The following ACOT11 variants were observed in gnomAD, a reference collection of about 807,000 sequenced individuals.
The protein encoded by ACOT11 is acyl-coenzyme A thioesterase 11.
ACOT11 carries 69 observed loss-of-function variants against 77.5 expected under a neutral mutation model. That is an observed-to-expected ratio of 0.89 (90% CI 0.73 to 1.09). The LOEUF (loss-of-function observed/expected upper bound fraction) is 1.09. ACOT11 is among the 50% of genes least tolerant of loss of function. The pLI is 0.00. For missense variants in ACOT11, 766 were observed against 813.7 expected (o/e 0.94, Z 0.71); for synonymous variants, 279 against 313.0 (o/e 0.89, Z 1.15).
rs532528250 is a variant in ACOT11, at chr1:54,628,915, G to A, written c.1630-1819G>A. Among the ~76,000 whole-genome samples the A allele has an allele frequency of 5.6e-4, 73 of 131,016 alleles. 17 individuals are homozygous for A. The South Asian group carries it at 7.9e-3, about 14-fold the overall frequency. The allele number at this position is 131,016 out of a possible 152,430, so 86.0% of individuals were successfully genotyped here. A position where few individuals can be genotyped will look rare whatever the true frequency, so the allele number is the denominator to read the frequency against. Reference sequence around the variant, plus strand: ...TCTCTACTAAAAATACAAAATTAGCGGGGTGTGGTGGCTCATGCCTGTGAT... The same window carrying A: ...TCTCTACTAAAAATACAAAATTAGCAGGGTGTGGTGGCTCATGCCTGTGAT... On this transcript the variant is annotated intron_variant, in intron 15 of 16. Transcript: ENST00000371316.
At chr1:54,597,674 T>C (rs1643905282) in intron 7 of ACOT11, 1 of 525,774 alleles carries the variant, frequency 1.9e-6, no homozygotes, top group East Asian at 3.3e-5. Context: ...CTACCTGCAC[T>C]CCTTCTAGTA....
At chr1:54,577,526 T>C (rs1654157048) in intron 1 of ACOT11, among the ~76,000 whole-genome samples, 1 of 152,220 alleles carries the variant, frequency 6.6e-6, no homozygotes, top group Non-Finnish European at 1.5e-5. Context: ...GATATACATA[T>C]ATATCTATAT....
chr1:54,637,704 T>G, exon 17 of ACOT11: 1 of 151,756 alleles, frequency 6.6e-6, no homozygotes, highest in Admixed American at 6.5e-5. Flanking sequence ...GGAGAATTGG[T>G]TGAACCCAGG....
intron 16 of ACOT11, among the ~76,000 whole-genome samples, chr1:54,631,067 G>A (rs927856596): frequency 2.0e-5 from 3 of 152,192 alleles, no homozygotes; most frequent in African/African-American, 4.8e-5. Flanking sequence ...GCAAAGGAAG[G>A]AGAGTTTCAT....
intron 13 of ACOT11, among the ~76,000 whole-genome samples, chr1:54,605,631 T>C (rs796852354): frequency 2.0e-5 from 3 of 152,274 alleles, no homozygotes; most frequent in African/African-American, 7.2e-5. Flanking sequence ...GTTGGAAGGA[T>C]GAAGGGTGAT....
intron 7 of ACOT11, among the ~76,000 whole-genome samples, 186 bp from the exon 8 acceptor site, chr1:54,599,110 C>T (rs1409597483): frequency 9.7e-5 from 12 of 124,002 alleles, no homozygotes; most frequent in African/African-American, 3.7e-4. Flanking sequence ...CCTGCCATTG[C>T]ACTCCAGCCT....
intron 16 of ACOT11, among the ~76,000 whole-genome samples, chr1:54,633,543 C>T (rs1644313394): frequency 6.6e-6 from 1 of 152,184 alleles, no homozygotes; most frequent in Non-Finnish European, 1.5e-5. Flanking sequence ...ACAATTCCTG[C>T]ATTAAACAAC....
chr1:54,631,801 G>A (rs1569818030), intron 16 of ACOT11, among the ~76,000 whole-genome samples: 1 of 152,206 alleles, frequency 6.6e-6, no homozygotes, highest in South Asian at 2.1e-4. Context: ...GATGATTGCA[G>A]ATTCGGCTGC....
At chr1:54,562,343 G>A (rs1235873521) in intron 1 of ACOT11, among the ~76,000 whole-genome samples, 2 of 93,030 alleles carry the variant, frequency 2.1e-5, no homozygotes, top group South Asian at 3.9e-4. Flanking sequence ...CCTCCCGGAC[G>A]GGGTGGCTGG....
At chr1:54,587,937 G>A (rs1030310692) in intron 3 of ACOT11, among the ~76,000 whole-genome samples, 1 of 152,032 alleles carries the variant, frequency 6.6e-6, no homozygotes, top group African/African-American at 2.4e-5. Flanking sequence ...GTACAAGGCC[G>A]GGCGCAGTGG....
chr1:54,632,208 C>T (rs1274552394), intron 16 of ACOT11, among the ~76,000 whole-genome samples: 5 of 152,232 alleles, frequency 3.3e-5, no homozygotes, highest in Admixed American at 1.3e-4. Flanking sequence ...TTTCAGGAAA[C>T]GCCATGAGGG....
downstream of ACOT11, chr1:54,611,658 T>G (rs1644119888): frequency 1.2e-6 from 2 of 1,614,040 alleles, no homozygotes; most frequent in South Asian, 2.2e-5. Context: ...CATAGTAGAC[T>G]TGGTGGACAG....
rs781092223 is a variant in ACOT11, at chr1:54,584,777, G to T, written c.156G>T (p.Leu52=). The T allele has an allele frequency of 7.4e-6, 12 of 1,613,794 alleles. No homozygotes were observed. The South Asian group carries it at 1.3e-4, about 18-fold the overall frequency. Residue 52 remains leucine (L), a synonymous_variant, in exon 2 of 16, where the codon CTG becomes CTT. Coordinates refer to ENST00000343744, the MANE Select transcript of ACOT11 (RefSeq NM_147161.4). The surrounding 1 kb of genome is among the most constrained non-coding windows in gnomAD (Gnocchi z 6.3). ...RNPTEVQMSQ[L]VLPCHTNQRG... ...CCACGGAGGTGCAGATGAGCCAGCT[G>T]GTGCTGCCCTGCCACACCAACCAAC...
At chr1:54,614,963 TGCACA>T, downstream of ACOT11, 48 of 1,134,022 alleles carry the variant, frequency 4.2e-5, no homozygotes, top group Admixed American at 6.8e-5. Context: ...TGCATGTGCG[TGCACA>T]GTGGAGTCAG....
At chr1:54,618,038 A>G (rs150999829) in intron 15 of ACOT11, among the ~76,000 whole-genome samples, 23 of 152,142 alleles carry the variant, frequency 1.5e-4, no homozygotes, top group African/African-American at 5.3e-4. Context: ...GAGATTCTGC[A>G]TTTTTAACAC....
intron 15 of ACOT11, among the ~76,000 whole-genome samples, 173 bp downstream of exon 15, chr1:54,608,241 TGTACAGGTAA>T (rs1377490546): frequency 6.6e-6 from 1 of 152,040 alleles, no homozygotes; most frequent in Non-Finnish European, 1.5e-5. Context: ...ATCTAATCTG[TGTACAGGTAA>T]GTCAGAGGCC....
intron 15 of ACOT11, among the ~76,000 whole-genome samples, chr1:54,617,628 T>C (rs571474231): frequency 6.8e-6 from 1 of 147,918 alleles, no homozygotes; most frequent in East Asian, 2.1e-4. Context: ...ACCCAGCTTC[T>C]CCAACTTTAA....
downstream of ACOT11, chr1:54,612,546 C>A (rs760855404): frequency 1.2e-6 from 2 of 1,614,004 alleles, no homozygotes; most frequent in Non-Finnish European, 1.7e-6. Context: ...CATGGAAGAC[C>A]GTACAGGGAA....
chr1:54,596,273 C>T (rs1654894617), intron 6 of ACOT11, among the ~76,000 whole-genome samples: 1 of 152,214 alleles, frequency 6.6e-6, no homozygotes, highest in South Asian at 2.1e-4. Flanking sequence ...CCTGTCTGCC[C>T]CCACCCTGTC....
Sources: allele counts gnomAD v4.1 joint callset (sites outside exome capture counted in the v4.1 genomes callset), GRCh38; gene constraint gnomAD v4.1.1; non-coding constraint Gnocchi (gnomAD v3.1); transcripts MANE v1.5; gene names NCBI Gene and HGNC (gene_info 2026-07-23, HGNC 2026-07-21).